The following NCOA2 variants were observed in gnomAD, a reference collection of about 807,000 sequenced individuals.
The protein encoded by NCOA2 is class E basic helix-loop-helix protein 75.
In NCOA2, 21 loss-of-function variants were observed where a neutral mutation model predicts 145.1. That is an observed-to-expected ratio of 0.14 (90% CI 0.10 to 0.21). The LOEUF (loss-of-function observed/expected upper bound fraction) is 0.21, where lower values mean the gene tolerates loss of function less well. Among genes scored for constraint, NCOA2 ranks in the 10% least tolerant of loss-of-function variants. NCOA2 has a pLI of 1.00. For synonymous variants in NCOA2, 619 were observed against 637.5 expected (o/e 0.97, Z 0.44); for missense variants, 1,472 against 1,837.6 (o/e 0.80, Z 3.64).
chr8:70,341,688 T>C (rs1329155212), intron 1 of NCOA2, among the ~76,000 whole-genome samples: 3 of 152,212 alleles, frequency 2.0e-5, no homozygotes, highest in Non-Finnish European at 4.4e-5. Context: ...GTACTTAAAA[T>C]ATTACTGTCT....
intron 2 of NCOA2, among the ~76,000 whole-genome samples, chr8:70,279,567 A>G (rs139218401): frequency 1.3e-3 from 203 of 152,342 alleles, no homozygotes; most frequent in African/African-American, 4.7e-3. Context: ...CTCCCCTGTC[A>G]GGTCACATGG....
At chr8:70,441,543 G>C in the NCOA2 span, among the ~76,000 whole-genome samples, 1 of 148,946 alleles carries the variant, frequency 6.7e-6, no homozygotes, top group African/African-American at 2.5e-5. Flanking sequence ...GAAAGAAAGA[G>C]AGAGAAAGAA....
chr8:70,414,704 G>GA, the NCOA2 span, among the ~76,000 whole-genome samples: 4 of 152,138 alleles, frequency 2.6e-5, no homozygotes, highest in Non-Finnish European at 4.4e-5. Context: ...GGTTTCTATA[G>GA]AAAAACATGC....
the NCOA2 span, among the ~76,000 whole-genome samples, chr8:70,421,607 C>T: frequency 5.8e-4 from 87 of 148,828 alleles, 3 homozygotes; most frequent in African/African-American, 2.2e-3. Flanking sequence ...ATAATAATTC[C>T]GAAAACATAA....
At chr8:70,186,116 G>A (rs1318902822) in intron 4 of NCOA2, among the ~76,000 whole-genome samples, 2 of 151,958 alleles carry the variant, frequency 1.3e-5, no homozygotes, top group Admixed American at 6.6e-5. Context: ...ACCCATCTTG[G>A]GGAAAGGAGC....
At chr8:70,344,344 C>A (rs1044056197) in intron 1 of NCOA2, among the ~76,000 whole-genome samples, 4 of 152,202 alleles carry the variant, frequency 2.6e-5, no homozygotes, top group Admixed American at 1.3e-4. Context: ...GGGTAAGGAA[C>A]AGAGTGTGCG....
rs41466052 is a variant in NCOA2, at chr8:70,283,166, C to T, written c.-20+13578G>A. On this transcript the variant is annotated intron_variant, in intron 2 of 22. Transcript: ENST00000452400. ...ACTGGTATCTTCCTTGGTTTATCCA[C>T]GAAATTGAAGAGAGGCTTCCAACAG... Among the ~76,000 whole-genome samples the T allele has an allele frequency of 3.4e-3, 521 of 152,240 alleles. 5 individuals carry two copies. The highest frequency in any genetic ancestry group is 0.011 in the African/African-American group (464 of 41,538).
rs1232878113 is a variant in NCOA2 at position 70,295,556 on chromosome 8, G to A, written c.-20+1188C>T. 2.6e-5 allele frequency among the ~76,000 whole-genome samples: 4 copies of A among 152,064 alleles called. No homozygotes were observed. In the East Asian group the frequency reaches 5.8e-4, roughly 22 times the overall value. On this transcript the variant is annotated intron_variant, in intron 2 of 22. Transcript: ENST00000452400. ...ATTCTACCCTGATTAAGCATATTTG[G>A]ATACACAAAATATCTAATACAACTA...
intron 2 of NCOA2, among the ~76,000 whole-genome samples, chr8:70,222,157 G>A (rs536812487): frequency 9.5e-4 from 145 of 152,200 alleles, no homozygotes; most frequent in Middle Eastern, 6.8e-3. Context: ...AAGTTTTAGA[G>A]GACTCACTTC....
the NCOA2 span, among the ~76,000 whole-genome samples, chr8:70,441,823 GAAGA>G: frequency 4.2e-3 from 490 of 116,280 alleles, 1 homozygote; most frequent in African/African-American, 8.2e-3. Flanking sequence ...AAAGAAGAAA[GAAGA>G]AAGAAAGAAA....
At chr8:70,365,741 C>T (rs973714910) in intron 1 of NCOA2, among the ~76,000 whole-genome samples, 5 of 152,016 alleles carry the variant, frequency 3.3e-5, no homozygotes, top group African/African-American at 7.3e-5. Flanking sequence ...AAGCCATTGC[C>T]GGTGGCAGAA....
the NCOA2 span, among the ~76,000 whole-genome samples, chr8:70,417,066 C>T: frequency 3.9e-5 from 6 of 151,912 alleles, no homozygotes; most frequent in African/African-American, 1.2e-4. Context: ...GAAACAATTA[C>T]AGCCTCATTT....
chr8:70,216,903 T>C, intron 2 of NCOA2, 139 bp from the exon 3 acceptor site: 3 of 581,186 alleles, frequency 5.2e-6, no homozygotes, highest in Non-Finnish European at 9.2e-6. Context: ...TTTATGTGCA[T>C]GTATAATTTC....
intron 4 of NCOA2, among the ~76,000 whole-genome samples, chr8:70,203,964 T>C (rs1021224372): frequency 1.1e-4 from 16 of 152,238 alleles, no homozygotes; most frequent in African/African-American, 3.6e-4. Context: ...AAATATTCCA[T>C]GGTAATTAAA....
intron 16 of NCOA2, among the ~76,000 whole-genome samples, chr8:70,130,296 T>A (rs1223426630): frequency 1.3e-5 from 2 of 152,220 alleles, no homozygotes; most frequent in Non-Finnish European, 2.9e-5. Context: ...ATGACAATAT[T>A]ATAATGATGG....
chr8:70,398,250 G>A (rs1813877303), intron 1 of NCOA2, among the ~76,000 whole-genome samples: 2 of 152,120 alleles, frequency 1.3e-5, no homozygotes, highest in South Asian at 4.1e-4. Context: ...CTGAGCCCAG[G>A]AGTTTAAGTC....
chr8:70,358,928 G>C (rs1368205946), intron 1 of NCOA2, among the ~76,000 whole-genome samples: 1 of 152,126 alleles, frequency 6.6e-6, no homozygotes, highest in African/African-American at 2.4e-5. Flanking sequence ...GACCTGAACA[G>C]ACATTTCTCC....
rs551595499 is a variant in NCOA2 at position 70,235,481 on chromosome 8, A to G, written c.-19-18717T>C. Among the ~76,000 whole-genome samples, 3 of 152,338 alleles carry G rather than the reference A, an allele frequency of 2.0e-5. No homozygotes were observed. In the South Asian group the frequency reaches 6.2e-4, roughly 32 times the overall value. On this transcript the variant is annotated intron_variant, in intron 2 of 22. Transcript: ENST00000452400. ...AAAATTTAAAAAAATATTTAAAAAC[A>G]TCCAAGATAACCAGGTACCACTCCA...
chr8:70,401,953 C>T (rs1055086739), intron 1 of NCOA2: 1 of 152,242 alleles, frequency 6.6e-6, no homozygotes, highest in African/African-American at 2.4e-5. Flanking sequence ...GAAAGACATA[C>T]AGGACCTCGA....
Sources: allele counts gnomAD v4.1 joint callset (sites outside exome capture counted in the v4.1 genomes callset), GRCh38; gene constraint gnomAD v4.1.1; transcripts MANE v1.5; gene names NCBI Gene and HGNC (gene_info 2026-07-23, HGNC 2026-07-21).